TRHDE: variants seen among roughly 807,000 people sequenced by gnomAD.
TRHDE encodes thyrotropin-releasing hormone-degrading ectoenzyme.
TRHDE carries 72 observed loss-of-function variants against 125.7 expected under a neutral mutation model. The observed-to-expected ratio is 0.57, with a 90% CI of 0.47 to 0.70. The LOEUF (loss-of-function observed/expected upper bound fraction) is 0.70. TRHDE is among the 30% of genes least tolerant of loss of function. The pLI, the probability that TRHDE is intolerant of heterozygous loss-of-function variation, is 0.00. For synonymous variants in TRHDE, 509 were observed against 509.1 expected, an observed-to-expected ratio of 1.00 and a Z score of 0.00; for missense variants, 1,110 against 1,327.1, an observed-to-expected ratio of 0.84 and a Z score of 2.54.
At chr12:72,293,024 G>A (rs1222322462) in intron 2 of TRHDE, among the ~76,000 whole-genome samples, 2 of 152,062 alleles carry the variant, frequency 1.3e-5, no homozygotes, top group Non-Finnish European at 2.9e-5. Flanking sequence ...TAACTTGATC[G>A]CTGGGGGCAA....
intron 9 of TRHDE, 105 bp from the exon 10 acceptor site, chr12:72,568,463 C>T: frequency 1.4e-6 from 1 of 693,474 alleles, no homozygotes; most frequent in East Asian, 2.7e-5. Flanking sequence ...TTTAGTTCAC[C>T]TAATGAGAGT....
At position 72,336,221 on chromosome 12, in the gene TRHDE, A is replaced by G. The variant is rs77019864; in HGVS notation, c.1189-41774A>G. Among the ~76,000 whole-genome samples, 1,114 of 152,280 alleles carry G rather than the reference A, an allele frequency of 7.3e-3. 9 individuals are homozygous for G. Among genetic ancestry groups the G allele is most frequent in the Non-Finnish European group, 9.1e-3 (616 of 68,016 alleles). ...TAGGAAATTGAAGTTCAGAGAGGTT[A>G]TTTGACTCCAAAACCTGTGCTGCAC... On this transcript the variant is annotated intron_variant, in intron 2 of 18. Transcript: ENST00000261180.
At chr12:72,425,930 A>G (rs1874165314) in intron 3 of TRHDE, among the ~76,000 whole-genome samples, 1 of 151,848 alleles carries the variant, frequency 6.6e-6, no homozygotes, top group African/African-American at 2.4e-5. Flanking sequence ...CAAAACTCAT[A>G]TATATATATA....
chr12:72,562,113 A>G, intron 7 of TRHDE, 52 bp from the exon 8 acceptor site: 1 of 774,860 alleles, frequency 1.3e-6, no homozygotes, highest in East Asian at 2.7e-5. Context: ...AAATGTGTTT[A>G]CTAGTTACTG....
In TRHDE at chr12:72,568,674, C is replaced by T. The variant is rs765748434; in HGVS notation, c.2131+18C>T. ...CAAATCAGGTAAACTATATATTCTCCCCTGAGGAAGTATCTGGTTTCAGAT... is the reference window on the plus strand; with the variant it reads ...CAAATCAGGTAAACTATATATTCTCTCCTGAGGAAGTATCTGGTTTCAGAT... On this transcript the variant is annotated intron_variant, in intron 10 of 18. Coordinates refer to ENST00000261180, the MANE Select transcript of TRHDE (RefSeq NM_013381.3). 3.9e-6 allele frequency: 6 copies of T among 1,542,172 alleles called. No individual in the cohort carries two copies. The highest frequency in any genetic ancestry group is 4.5e-6 in the Non-Finnish European group (5 of 1,119,228).
At chr12:72,412,874 G>A (rs545826556) in intron 3 of TRHDE, among the ~76,000 whole-genome samples, 34 of 151,974 alleles carry the variant, frequency 2.2e-4, no homozygotes, top group African/African-American at 6.7e-4. Context: ...TGCATAACTA[G>A]GTAATACAAT....
intron 2 of TRHDE, among the ~76,000 whole-genome samples, chr12:72,347,124 A>C (rs1870360647): frequency 6.6e-6 from 1 of 152,096 alleles, no homozygotes; most frequent in Non-Finnish European, 1.5e-5. Context: ...CTTTATTTCC[A>C]AATGTGGCAT....
At chr12:72,468,580 G>C (rs1024321340) in intron 3 of TRHDE, among the ~76,000 whole-genome samples, 3 of 152,214 alleles carry the variant, frequency 2.0e-5, no homozygotes, top group Non-Finnish European at 4.4e-5. Context: ...GCTGGAACCA[G>C]GCTGCTGGGT....
intron 2 of TRHDE, among the ~76,000 whole-genome samples, chr12:72,226,588 G>A (rs1448626845): frequency 1.3e-5 from 2 of 152,126 alleles, no homozygotes; most frequent in African/African-American, 4.8e-5. Context: ...TATAAAATAA[G>A]CAGACTGTAA....
chr12:72,173,077 TATAA>T (rs1876911943), intron 2 of TRHDE, among the ~76,000 whole-genome samples: 1 of 152,250 alleles, frequency 6.6e-6, no homozygotes, highest in South Asian at 2.1e-4. Flanking sequence ...ACTAGTGAGC[TATAA>T]ATAATTCATT....
intron 6 of TRHDE, among the ~76,000 whole-genome samples, chr12:72,515,411 T>C (rs1402379932): frequency 4.6e-5 from 7 of 151,302 alleles, no homozygotes; most frequent in South Asian, 4.2e-4. Flanking sequence ...TTTTTTCATG[T>C]GTTTTTTGGC....
intron 2 of TRHDE, among the ~76,000 whole-genome samples, chr12:72,116,034 CCA>C (rs1275059717): frequency 2.0e-5 from 3 of 152,064 alleles, no homozygotes; most frequent in Non-Finnish European, 4.4e-5. Flanking sequence ...CTGACAGGCC[CCA>C]GTGTGTGATG....
intron 2 of TRHDE, among the ~76,000 whole-genome samples, chr12:72,241,028 A>G (rs1227963151): frequency 7.5e-6 from 1 of 133,574 alleles, no homozygotes; most frequent in Non-Finnish European, 1.8e-5. Flanking sequence ...TATAGTGATC[A>G]CTGGTGGTCG....
At chr12:72,161,625 G>A (rs1191933127) in intron 2 of TRHDE, among the ~76,000 whole-genome samples, 1 of 152,058 alleles carries the variant, frequency 6.6e-6, no homozygotes, top group Admixed American at 6.6e-5. Context: ...TTTTTTCTGG[G>A]TTATCTGTGG....
chr12:72,231,006 A>ATTTT, intron 2 of TRHDE, among the ~76,000 whole-genome samples: 1 of 152,316 alleles, frequency 6.6e-6, no homozygotes, highest in Admixed American at 6.5e-5. Flanking sequence ...AGTAACAAAA[A>ATTTT]TGATGTTGTC....
chr12:72,659,205 A>C (rs1015204109), intron 18 of TRHDE, among the ~76,000 whole-genome samples: 7 of 152,212 alleles, frequency 4.6e-5, no homozygotes, highest in African/African-American at 1.4e-4. Flanking sequence ...GTTTTCTCCC[A>C]AAAACAGTAT....
At chr12:72,539,265 C>T (rs1869024449) in intron 6 of TRHDE, among the ~76,000 whole-genome samples, 1 of 151,882 alleles carries the variant, frequency 6.6e-6, no homozygotes, top group African/African-American at 2.4e-5. Context: ...TTGAAATCCT[C>T]AAAGACAGAG....
chr12:72,351,375 C>T (rs10506654), intron 2 of TRHDE, among the ~76,000 whole-genome samples: 8,734 of 151,988 alleles, frequency 0.057, 477 homozygotes, highest in African/African-American at 0.13. Flanking sequence ...AACTATTTCT[C>T]TGATGGATCC....
At chr12:72,413,227 CT>C (rs2135817165) in intron 3 of TRHDE, among the ~76,000 whole-genome samples, 1 of 151,910 alleles carries the variant, frequency 6.6e-6, no homozygotes, top group East Asian at 1.9e-4. Context: ...TAAAAAAATT[CT>C]TTTCAGTCTG....
Sources: allele counts gnomAD v4.1 joint callset (sites outside exome capture counted in the v4.1 genomes callset), GRCh38; gene constraint gnomAD v4.1.1; transcripts MANE v1.5; gene names NCBI Gene and HGNC (gene_info 2026-07-23, HGNC 2026-07-21).